B3GALT1: variants seen among roughly 807,000 people sequenced by gnomAD.
B3GALT1 encodes beta-1,3-galactosyltransferase 1.
A neutral mutation model predicts 23.2 loss-of-function variants in B3GALT1; 10 were observed. The observed-to-expected ratio is 0.43, with a 90% confidence interval of 0.27 to 0.73. The LOEUF (loss-of-function observed/expected upper bound fraction) is 0.73. Among genes scored for constraint, B3GALT1 ranks in the 30% least tolerant of loss-of-function variants. B3GALT1 has a pLI of 0.21. For synonymous variants in B3GALT1, 156 were observed against 141.5 expected, an observed-to-expected ratio of 1.10 and a Z score of -0.73; for missense variants, 299 against 405.4, an observed-to-expected ratio of 0.74 and a Z score of 2.25.
intron 3 of B3GALT1, among the ~76,000 whole-genome samples, chr2:167,801,425 CTT>C (rs1688636787): frequency 6.6e-6 from 1 of 152,130 alleles, no homozygotes; most frequent in Non-Finnish European, 1.5e-5. Context: ...AAACTTGAGT[CTT>C]ATATTTGTGA....
intron 4 of B3GALT1, among the ~76,000 whole-genome samples, chr2:167,831,551 C>G (rs1689352382): frequency 6.6e-6 from 1 of 151,910 alleles, no homozygotes; most frequent in Non-Finnish European, 1.5e-5. Flanking sequence ...AGTATTATCT[C>G]CAGAAGAGAG....
At chr2:167,662,753 G>A (rs146151430) in intron 3 of B3GALT1, among the ~76,000 whole-genome samples, 1,731 of 151,852 alleles carry the variant, frequency 0.011, 14 homozygotes, top group Middle Eastern at 0.031. Context: ...GTTTCATCTC[G>A]TATCACCTCT....
chr2:167,637,012 G>A (rs940003385), intron 2 of B3GALT1, among the ~76,000 whole-genome samples: 3 of 151,638 alleles, frequency 2.0e-5, no homozygotes, highest in Non-Finnish European at 3.0e-5. Flanking sequence ...ATAGAAGGTA[G>A]GTACTCAGTA....
At chr2:167,420,184 G>A (rs1378354243) in intron 1 of B3GALT1, among the ~76,000 whole-genome samples, 1 of 152,142 alleles carries the variant, frequency 6.6e-6, no homozygotes, top group Admixed American at 6.5e-5. Flanking sequence ...TGACTTCTGT[G>A]CATTGGCATC....
At chr2:167,455,041 TACTG>T (rs1203981358) in intron 1 of B3GALT1, among the ~76,000 whole-genome samples, 1 of 152,226 alleles carries the variant, frequency 6.6e-6, no homozygotes, top group Non-Finnish European at 1.5e-5. Context: ...TAGTTCAATT[TACTG>T]ACTAACTTCA....
chr2:167,510,237 T>G (rs940760324), intron 2 of B3GALT1, among the ~76,000 whole-genome samples: 6 of 152,136 alleles, frequency 3.9e-5, no homozygotes, highest in African/African-American at 7.2e-5. Context: ...TATGAGGACA[T>G]GCTCTGGTTC....
chr2:167,623,078 C>T (rs1448005407), intron 2 of B3GALT1, among the ~76,000 whole-genome samples: 6 of 152,120 alleles, frequency 3.9e-5, no homozygotes, highest in African/African-American at 1.2e-4. Context: ...GATACCATCT[C>T]ACGCCAGTTA....
intron 3 of B3GALT1, among the ~76,000 whole-genome samples, chr2:167,745,874 C>T (rs1352533008): frequency 1.3e-5 from 2 of 152,094 alleles, no homozygotes; most frequent in African/African-American, 4.8e-5. Context: ...ATCATATCTC[C>T]TCTGTTATCT....
intron 2 of B3GALT1, among the ~76,000 whole-genome samples, chr2:167,531,658 T>C (rs1683328266): frequency 6.6e-6 from 1 of 152,184 alleles, no homozygotes; most frequent in African/African-American, 2.4e-5. Flanking sequence ...ATCATTATTA[T>C]TTCTGCACTT....
chr2:167,348,580 T>C lies in B3GALT1; in HGVS notation c.-511+55246T>C, dbSNP rs557611430. ...CTGTTATTCAAGGCCTTCTATGAACTAGTTTCATCCTCTGCTCTAAACTTA... is the reference window on the plus strand; with the variant it reads ...CTGTTATTCAAGGCCTTCTATGAACCAGTTTCATCCTCTGCTCTAAACTTA... On this transcript the variant is annotated intron_variant, in intron 1 of 4. Coordinates refer to ENST00000392690, the MANE Select transcript of B3GALT1 (RefSeq NM_020981.4). Among the ~76,000 whole-genome samples the C allele has an allele frequency of 7.5e-4, 115 of 152,330 alleles. 1 individual carries two copies. The highest frequency in any genetic ancestry group is 6.8e-3 in the South Asian group (33 of 4,828).
chr2:167,462,913 T>C (rs185756751), intron 1 of B3GALT1, among the ~76,000 whole-genome samples: 137 of 152,266 alleles, frequency 9.0e-4, no homozygotes, highest in African/African-American at 3.2e-3. Flanking sequence ...ATTTCAAATA[T>C]GACAAAAAGG....
intron 2 of B3GALT1, among the ~76,000 whole-genome samples, chr2:167,600,955 C>A (rs1684866905): frequency 6.6e-6 from 1 of 152,088 alleles, no homozygotes; most frequent in Non-Finnish European, 1.5e-5. Context: ...ATTGTTTAGC[C>A]ACTTTTAGAT....
intron 1 of B3GALT1, among the ~76,000 whole-genome samples, chr2:167,312,405 A>G (rs568269127): frequency 8.5e-5 from 13 of 152,170 alleles, no homozygotes; most frequent in Admixed American, 5.2e-4. Context: ...TAAGACTTTG[A>G]TAAGTTAAGG....
At chr2:167,491,006 C>T (rs1484176675) in intron 2 of B3GALT1, among the ~76,000 whole-genome samples, 2 of 152,140 alleles carry the variant, frequency 1.3e-5, no homozygotes, top group Non-Finnish European at 2.9e-5. Flanking sequence ...GGGCACATCT[C>T]AATTCTGGCA....
intron 1 of B3GALT1, among the ~76,000 whole-genome samples, chr2:167,430,742 C>T (rs538094906): frequency 3.3e-5 from 5 of 152,088 alleles, no homozygotes; most frequent in African/African-American, 9.6e-5. Context: ...ATTGTAGGAG[C>T]CAGTTTTGGG....
At chr2:167,635,269 A>G (rs139294926) in intron 2 of B3GALT1, among the ~76,000 whole-genome samples, 1 of 152,302 alleles carries the variant, frequency 6.6e-6, no homozygotes, top group Non-Finnish European at 1.5e-5. Context: ...AGCTGGAAGC[A>G]TCCCCTTTGA....
chr2:167,668,278 G>A (rs1686247434), intron 3 of B3GALT1, among the ~76,000 whole-genome samples: 1 of 152,032 alleles, frequency 6.6e-6, no homozygotes, highest in Admixed American at 6.6e-5. Context: ...TCAGGGGTCA[G>A]GGACCCACTT....
At chr2:167,378,219 T>A (rs1697794159) in intron 1 of B3GALT1, among the ~76,000 whole-genome samples, 1 of 152,158 alleles carries the variant, frequency 6.6e-6, no homozygotes, top group African/African-American at 2.4e-5. Context: ...TCCCTTAGTC[T>A]GTGATGTGCC....
At chr2:167,751,705 A>G (rs1248649824) in intron 3 of B3GALT1, among the ~76,000 whole-genome samples, 5 of 152,132 alleles carry the variant, frequency 3.3e-5, no homozygotes, top group Non-Finnish European at 7.4e-5. Context: ...ACATTCAGAA[A>G]AATGAAACTT....
Sources: gnomAD v4.1 joint callset for allele counts (sites outside exome capture counted in the v4.1 genomes callset) on GRCh38, gnomAD v4.1.1 for gene constraint, MANE v1.5 for transcripts, NCBI Gene and HGNC (gene_info 2026-07-23, HGNC 2026-07-21) for gene names.